Variants in KIAA0319 observed in about 807,000 individuals in gnomAD.
KIAA0319 encodes dyslexia-associated protein KIAA0319.
Under a neutral mutation model 108.4 loss-of-function variants are expected in KIAA0319, and 83 were observed. The ratio of observed to expected loss-of-function variants is 0.77; its 90% CI spans 0.64 to 0.92. KIAA0319 has a LOEUF of 0.92. Ranked by LOEUF, KIAA0319 falls within the 40% of genes least tolerant of loss-of-function variation. The probability of loss-of-function intolerance (pLI) is 0.00; values close to 1 mark genes in which losing one functional copy is unlikely to be tolerated. For synonymous variants in KIAA0319, 484 were observed against 510.4 expected (o/e 0.95, Z 0.70); for missense variants, 1,195 against 1,322.4 (o/e 0.90, Z 1.49).
chr6:24,631,034 G>A (rs944569039), intron 1 of KIAA0319, among the ~76,000 whole-genome samples: 1 of 152,180 alleles, frequency 6.6e-6, no homozygotes, highest in Non-Finnish European at 1.5e-5. Context: ...TGTTAAGAAC[G>A]AGCTGTATTT....
chr6:24,565,137 C>G (rs1331292385), intron 14 of KIAA0319, among the ~76,000 whole-genome samples: 2 of 151,948 alleles, frequency 1.3e-5, no homozygotes, highest in Non-Finnish European at 2.9e-5. Context: ...CCTGCAGTCC[C>G]AGCTACTCGG....
intron 7 of KIAA0319, among the ~76,000 whole-genome samples, chr6:24,580,203 C>G (rs1484224397): frequency 6.6e-6 from 1 of 152,144 alleles, no homozygotes; most frequent in Non-Finnish European, 1.5e-5. Flanking sequence ...AACCAAGGGG[C>G]TCATCACAGA....
At chr6:24,598,015 T>C (rs1447593614) in intron 2 of KIAA0319, 2 of 211,360 alleles carry the variant, frequency 9.5e-6, no homozygotes, top group Non-Finnish European at 1.8e-5. Context: ...CTCCACCATA[T>C]CCATCAAGGT....
chr6:24,600,503 C>A, intron 2 of KIAA0319: 1 of 675,926 alleles, frequency 1.5e-6, no homozygotes, highest in Middle Eastern at 2.4e-4. Context: ...TGAGAAACTG[C>A]ATTTTAACAA....
intron 10 of KIAA0319, among the ~76,000 whole-genome samples, chr6:24,573,734 G>C (rs1026435227): frequency 4.6e-5 from 7 of 152,280 alleles, no homozygotes; most frequent in African/African-American, 1.7e-4. Flanking sequence ...CAATTTATTT[G>C]AACTTATTTT....
chr6:24,561,678 G>C (rs1763114173), intron 16 of KIAA0319, among the ~76,000 whole-genome samples: 1 of 151,916 alleles, frequency 6.6e-6, no homozygotes, highest in Admixed American at 6.6e-5. Flanking sequence ...GGGTAGCTGA[G>C]ACCATGGGCG....
intron 1 of KIAA0319, among the ~76,000 whole-genome samples, chr6:24,624,090 T>A (rs1010705308): frequency 7.1e-6 from 1 of 141,576 alleles, no homozygotes; most frequent in African/African-American, 2.6e-5. Context: ...AGTGGTGCAA[T>A]CTTGGCTCAC....
intron 1 of KIAA0319, among the ~76,000 whole-genome samples, chr6:24,634,041 A>G (rs543782139): frequency 2.0e-5 from 3 of 152,382 alleles, no homozygotes; most frequent in Admixed American, 2.0e-4. Context: ...CAATTAAGGA[A>G]TTAGATATTA....
rs57550162 is a variant in KIAA0319 at position 24,611,174 on chromosome 6, CT to C, written c.-105-9967del. 7.2e-3 allele frequency among the ~76,000 whole-genome samples: 981 copies of C among 136,474 alleles called. 2 individuals are homozygous for C. The highest frequency in any genetic ancestry group is 0.015 in the Middle Eastern group (4 of 262). The allele number at this position is 136,474 out of a possible 152,430, so 89.5% of individuals were successfully genotyped here. ...TAAATTATAAGATGTACAGTTTTTG[CT>C]TTTTTTTTTTTTTTGAAGTAATGAA... is the stretch of plus-strand genomic sequence containing the variant. On this transcript the variant is annotated intron_variant, in intron 1 of 20. Coordinates refer to ENST00000378214, the MANE Select transcript of KIAA0319 (RefSeq NM_014809.4).
rs754418155 is a variant in KIAA0319 at position 24,556,711 on chromosome 6, G to A, written c.2753C>T (p.Ser918Phe). 2 of 1,613,756 alleles carry A rather than the reference G, an allele frequency of 1.2e-6. No individual in the cohort carries two copies. The highest frequency in any genetic ancestry group is 1.7e-6 in the Non-Finnish European group (2 of 1,179,930). Residue 918 changes from serine (S) to phenylalanine (F), a missense_variant, in exon 18 of 21, where the codon TCT (serine) becomes TTT (phenylalanine). Transcript: ENST00000378214. ...VDTAGCLLKC[S>F]GHGHCDPLTK... ...GAGGGGGTCGCAGTGACCATGGCCA[G>A]AACACTTCAGAAGGCAACCTGCAAA...
intron 1 of KIAA0319, among the ~76,000 whole-genome samples, chr6:24,630,061 C>T (rs1775314204): frequency 1.3e-5 from 2 of 152,122 alleles, no homozygotes; most frequent in Non-Finnish European, 2.9e-5. Context: ...TGCCTGTGAT[C>T]CCAGCTACTC....
intron 1 of KIAA0319, among the ~76,000 whole-genome samples, chr6:24,617,696 T>G (rs1773351790): frequency 6.6e-6 from 1 of 151,886 alleles, no homozygotes; most frequent in Non-Finnish European, 1.5e-5. Flanking sequence ...CCTAAAGAAG[T>G]AGAACCTTGG....
rs574645357 is a variant in KIAA0319, at chr6:24,617,731, A to G, written c.-105-16523T>C. On this transcript the variant is annotated intron_variant, in intron 1 of 20. Transcript: ENST00000378214. ...GCGGGGCGTGGTGGCTCATGCCTAT[A>G]ATCCCAGCACTTTGGGAGGCTGATG... Among the ~76,000 whole-genome samples, 4 of 152,298 alleles carry G rather than the reference A, an allele frequency of 2.6e-5. No individual in the cohort carries two copies. In the South Asian group the frequency reaches 8.3e-4, roughly 32 times the overall value.
At chr6:24,640,214 G>A (rs9356941) in intron 1 of KIAA0319, among the ~76,000 whole-genome samples, 106,914 of 152,034 alleles carry the variant, frequency 0.7, 38,173 homozygotes, top group East Asian at 0.87. Flanking sequence ...TCTCTATAGA[G>A]GCTTCTACTA....
intron 2 of KIAA0319, chr6:24,598,065 G>A: frequency 2.5e-6 from 1 of 393,778 alleles, no homozygotes; most frequent in Non-Finnish European, 4.8e-6. Flanking sequence ...CTGGCCCCTG[G>A]GCCTTCAGCA....
intron 17 of KIAA0319, among the ~76,000 whole-genome samples, chr6:24,558,062 C>T (rs1246039312): frequency 6.6e-6 from 1 of 151,812 alleles, no homozygotes; most frequent in Non-Finnish European, 1.5e-5. Flanking sequence ...CCTCTTTGTG[C>T]CTCTCTGGAT....
intron 1 of KIAA0319, among the ~76,000 whole-genome samples, chr6:24,613,377 A>G (rs779360468): frequency 2.4e-4 from 36 of 152,106 alleles, no homozygotes; most frequent in Non-Finnish European, 4.3e-4. Context: ...TTTATTCTGC[A>G]ATATTTGGGA....
intron 1 of KIAA0319, among the ~76,000 whole-genome samples, chr6:24,635,305 A>G (rs1776057142): frequency 1.3e-5 from 2 of 151,924 alleles, no homozygotes; most frequent in African/African-American, 4.8e-5. Context: ...GGGTTTCACC[A>G]TGTTGGAAGG....
At position 24,576,402 on chromosome 6, in the gene KIAA0319, C is replaced by G. The variant is rs1363778521; in HGVS notation, c.1700G>C (p.Gly567Ala). 1.2e-6 allele frequency: 2 copies of G among 1,614,130 alleles called. No individual in the cohort carries two copies. ...CACATGTTTGCCCTCACTCCCAGGA[C>G]CCAGGGACCACTCATAGAGGACAAT... Reference protein sequence around the residue: ...HQIVLYEWSLGPGSEGKHVVM... With the variant: ...HQIVLYEWSLAPGSEGKHVVM... Residue 567 changes from glycine (G) to alanine (A), a missense_variant, in exon 10 of 21, where the codon GGT becomes GCT. Coordinates refer to ENST00000378214, the MANE Select transcript of KIAA0319 (RefSeq NM_014809.4).
Sources: gnomAD v4.1 joint callset for allele counts (sites outside exome capture counted in the v4.1 genomes callset) on GRCh38, gnomAD v4.1.1 for gene constraint, MANE v1.5 for transcripts, NCBI Gene and HGNC (gene_info 2026-07-23, HGNC 2026-07-21) for gene names.